Variants in ZYG11B observed in about 807,000 individuals in gnomAD.
ZYG11B encodes protein zyg-11 homolog B.
In ZYG11B, 36 loss-of-function variants were observed where a neutral mutation model predicts 82.4. The ratio of observed to expected loss-of-function variants is 0.44; its 90% CI spans 0.33 to 0.58. The LOEUF (loss-of-function observed/expected upper bound fraction) is 0.58. Ranked by LOEUF, ZYG11B falls within the 20% of genes least tolerant of loss-of-function variation. The pLI is 0.02. For synonymous variants in ZYG11B, 303 were observed against 312.8 expected (o/e 0.97, Z 0.33); for missense variants, 552 against 895.6 (o/e 0.62, Z 4.90).
At chr1:52,772,769 C>G in intron 3 of ZYG11B, 1 of 585,578 alleles carries the variant, frequency 1.7e-6, no homozygotes, top group South Asian at 1.9e-5. Flanking sequence ...GCTCTGCCTC[C>G]CGGGTTCACG....
At position 52,823,722 on chromosome 1, in the gene ZYG11B, T is replaced by G. The variant is rs538635074; in HGVS notation, c.*2093T>G. 1.3e-5 allele frequency: 2 copies of G among 152,336 alleles called. No individual in the cohort carries two copies. The highest frequency in any genetic ancestry group is 4.8e-5 in the African/African-American group (2 of 41,574). 9.4% of individuals were successfully genotyped at this position (152,336 alleles called of 1,614,324 possible). A position where few individuals can be genotyped will look rare whatever the true frequency, so the allele number is the denominator to read the frequency against. On this transcript the variant is annotated 3_prime_UTR_variant, in exon 14 of 14. Coordinates refer to ENST00000294353, the MANE Select transcript of ZYG11B (RefSeq NM_024646.3). ...CAAAAGTGCATATTTCTTTACAGGC[T>G]AATGCTAGGTTTTTGTCTTTACAAA...
At chr1:52,791,658 T>C (rs1391630193) in intron 6 of ZYG11B, among the ~76,000 whole-genome samples, 2 of 152,338 alleles carry the variant, frequency 1.3e-5, no homozygotes, top group East Asian at 3.9e-4. Flanking sequence ...CATGAGCCAC[T>C]GCGCCTGGCC....
At chr1:52,818,302 GT>G (rs1558145526) in intron 13 of ZYG11B, among the ~76,000 whole-genome samples, 1 of 151,890 alleles carries the variant, frequency 6.6e-6, no homozygotes, top group East Asian at 1.9e-4. Flanking sequence ...GCGAAACCTA[GT>G]TTCTATAAAA....
At chr1:52,788,715 G>A (rs1644932873) in intron 5 of ZYG11B, among the ~76,000 whole-genome samples, 1 of 152,148 alleles carries the variant, frequency 6.6e-6, no homozygotes, top group East Asian at 1.9e-4. Flanking sequence ...GGGTGACAGA[G>A]CGAGACCCTG....
intron 1 of ZYG11B, among the ~76,000 whole-genome samples, chr1:52,745,690 AGCAGCTGAGATT>A (rs1472685725): frequency 2.0e-5 from 3 of 149,906 alleles, no homozygotes; most frequent in African/African-American, 7.4e-5. Context: ...CAGCCTCCCG[AGCAGCTGAGATT>A]ACAGGCATCC....
At chr1:52,805,315 G>GA (rs1645133200) in intron 10 of ZYG11B, 1 of 344,188 alleles carries the variant, frequency 2.9e-6, no homozygotes, top group Admixed American at 3.7e-5. Context: ...CAAGCAGTGA[G>GA]GAGATGGATT....
intron 1 of ZYG11B, among the ~76,000 whole-genome samples, chr1:52,742,995 G>A (rs1367186580): frequency 6.7e-6 from 1 of 149,858 alleles, no homozygotes; most frequent in African/African-American, 2.5e-5. Flanking sequence ...GCCTCTGCCC[G>A]GCCGCCCCGT....
chr1:52,758,151 A>G (rs1644595800), intron 2 of ZYG11B, among the ~76,000 whole-genome samples: 1 of 144,284 alleles, frequency 6.9e-6, no homozygotes, highest in Non-Finnish European at 1.5e-5. Context: ...GTGAGTCGAG[A>G]TTGTGCCACT....
At chr1:52,810,320 T>G (rs1304844333) in intron 10 of ZYG11B, among the ~76,000 whole-genome samples, 1 of 152,204 alleles carries the variant, frequency 6.6e-6, no homozygotes. Context: ...ATGGTTATTT[T>G]CCTGCCCTCA....
intron 7 of ZYG11B, 149 bp from the exon 8 acceptor site, chr1:52,796,585 C>T (rs907821869): frequency 1.2e-5 from 10 of 818,650 alleles, no homozygotes; most frequent in African/African-American, 1.1e-4. Context: ...TTTGGGAGGC[C>T]GAGGCAGGCC....
chr1:52,765,867 C>T (rs1283196893), intron 2 of ZYG11B, among the ~76,000 whole-genome samples: 1 of 152,140 alleles, frequency 6.6e-6, no homozygotes, highest in Non-Finnish European at 1.5e-5. Context: ...ATTCCAGTGA[C>T]ACAAATATAG....
intron 10 of ZYG11B, among the ~76,000 whole-genome samples, chr1:52,804,562 G>A (rs1036764468): frequency 6.6e-6 from 1 of 151,910 alleles, no homozygotes; most frequent in Non-Finnish European, 1.5e-5. Flanking sequence ...GCTGTGAGCC[G>A]AGATTGCACC....
intron 10 of ZYG11B, among the ~76,000 whole-genome samples, chr1:52,811,380 A>T (rs1645181504): frequency 6.6e-6 from 1 of 152,122 alleles, no homozygotes; most frequent in Non-Finnish European, 1.5e-5. Context: ...AGACTTCTCG[A>T]CATTATCCCA....
chr1:52,773,613 ATATATATATATATATTTTTTTT>A (rs1314179335), intron 3 of ZYG11B, among the ~76,000 whole-genome samples: 5 of 19,256 alleles, frequency 2.6e-4, no homozygotes, highest in African/African-American at 7.7e-4. Context: ...ATATATATAT[ATATATATATATATATTTTTTTT>A]TTTTTTTTTT....
Position 52,772,121 on chromosome 1 carries a change from A to G in ZYG11B, c.951+347A>G, listed in dbSNP as rs1195843198. 18 of 997,464 alleles carry G rather than the reference A, an allele frequency of 1.8e-5. No homozygotes were observed. The East Asian group carries it at 3.8e-4, about 21-fold the overall frequency. The allele number at this position is 997,464 out of a possible 1,614,324, so 61.8% of individuals were successfully genotyped here. ...TAGCTATTTTGAACCATTTACATATATGGTTTTTTTGTTTTTGTTTTTGTT... is the reference window on the plus strand; with the variant it reads ...TAGCTATTTTGAACCATTTACATATGTGGTTTTTTTGTTTTTGTTTTTGTT... On this transcript the variant is annotated intron_variant, in intron 3 of 13. Coordinates refer to ENST00000294353, the MANE Select transcript of ZYG11B (RefSeq NM_024646.3).
chr1:52,761,255 A>G (rs1644629124), intron 2 of ZYG11B, among the ~76,000 whole-genome samples: 1 of 152,198 alleles, frequency 6.6e-6, no homozygotes, highest in Admixed American at 6.6e-5. Context: ...AACTGTAGTC[A>G]TCATACAGTG....
At chr1:52,815,079 A>T (rs1645212318) in intron 12 of ZYG11B, among the ~76,000 whole-genome samples, 1 of 151,852 alleles carries the variant, frequency 6.6e-6, no homozygotes, top group African/African-American at 2.4e-5. Flanking sequence ...AATCGCTTGA[A>T]CTTGGGAGGT....
chr1:52,762,981 G>C lies in ZYG11B; in HGVS notation c.196+6358G>C, dbSNP rs75667362. Among the ~76,000 whole-genome samples the C allele has an allele frequency of 5.2e-3, 722 of 139,398 alleles. 14 individuals are homozygous for C. Among genetic ancestry groups the C allele is most frequent in the African/African-American group, 0.018 (682 of 38,044 alleles). The allele number at this position is 139,398 out of a possible 152,430, so 91.5% of individuals were successfully genotyped here. ...TTTTTGTAAAGGTGAGAGATTGGGGGGGGGGGGTCTAGTTTCATTCTTTTG... is the reference window on the plus strand; with the variant it reads ...TTTTTGTAAAGGTGAGAGATTGGGGCGGGGGGGTCTAGTTTCATTCTTTTG... On this transcript the variant is annotated intron_variant, in intron 2 of 13. Transcript: ENST00000294353.
chr1:52,796,651 C>T (rs931687395), intron 7 of ZYG11B, 83 bp from the exon 8 acceptor site: 19 of 1,220,452 alleles, frequency 1.6e-5, no homozygotes, highest in Middle Eastern at 1.9e-4. Context: ...TTAGTCTCAC[C>T]TTTGGAGTGA....
Sources: allele counts gnomAD v4.1 joint callset (sites outside exome capture counted in the v4.1 genomes callset), GRCh38; gene constraint gnomAD v4.1.1; transcripts MANE v1.5; gene names NCBI Gene and HGNC (gene_info 2026-07-23, HGNC 2026-07-21).